Variants in FMN2 observed in about 807,000 individuals in gnomAD.
FMN2 encodes the protein formin 2, also known as formin-2.
In FMN2, 51 loss-of-function variants were observed where a neutral mutation model predicts 142.3. The observed-to-expected ratio is 0.36, with a 90% CI of 0.29 to 0.45. FMN2 has a LOEUF of 0.45. FMN2 is among the 20% of genes least tolerant of loss of function. FMN2 has a pLI of 1.00. For missense variants in FMN2, 1,936 were observed against 2,122.8 expected (o/e 0.91, Z 1.73); for synonymous variants, 882 against 869.8 (o/e 1.01, Z -0.25).
At chr1:240,203,813 ATAAAAT>A (rs1445866807) in intron 4 of FMN2, among the ~76,000 whole-genome samples, 1 of 152,168 alleles carries the variant, frequency 6.6e-6, no homozygotes, top group Non-Finnish European at 1.5e-5. Flanking sequence ...AGGACTTAAA[ATAAAAT>A]TAAATAATAA....
chr1:240,129,689 G>A (rs1571959083), intron 2 of FMN2, among the ~76,000 whole-genome samples: 1 of 152,028 alleles, frequency 6.6e-6, no homozygotes, highest in African/African-American at 2.4e-5. Context: ...TTTTAGTAGA[G>A]ATGGGGTTTG....
At chr1:240,174,533 T>C (rs763725610) in intron 2 of FMN2, among the ~76,000 whole-genome samples, 2 of 152,240 alleles carry the variant, frequency 1.3e-5, no homozygotes, top group African/African-American at 4.8e-5. Context: ...TTTTTAAAAA[T>C]TTTTAAATAT....
intron 8 of FMN2, among the ~76,000 whole-genome samples, chr1:240,320,905 A>T (rs1479546578): frequency 6.6e-6 from 1 of 152,210 alleles, no homozygotes; most frequent in Non-Finnish European, 1.5e-5. Context: ...AGCAAGAACC[A>T]AGGCAGTGAC....
At chr1:240,452,950 T>C (rs149394158) in intron 16 of FMN2, among the ~76,000 whole-genome samples, 171 of 152,308 alleles carry the variant, frequency 1.1e-3, no homozygotes, top group Non-Finnish European at 1.7e-3. Context: ...ATAAGGTATG[T>C]AGCAAGAGCA....
At chr1:240,117,630 G>T (rs760803987) in intron 1 of FMN2, among the ~76,000 whole-genome samples, 6 of 152,220 alleles carry the variant, frequency 3.9e-5, no homozygotes, top group Non-Finnish European at 8.8e-5. Context: ...CTGATTCAAG[G>T]TCAGCATGCT....
Position 240,177,965 on chromosome 1 carries a change from C to G in FMN2, c.1827C>G (p.His609Gln). 1 of 1,610,994 alleles carries G rather than the reference C, an allele frequency of 6.2e-7. No individual in the cohort carries two copies. Among genetic ancestry groups the G allele is most frequent in the South Asian group, 1.1e-5 (1 of 90,402 alleles). The change falls in exon 3 of 18, where the codon CAC becomes CAG. Residue 609 changes from histidine (H) to glutamine (Q), a missense_variant. By Grantham distance (24) the His-to-Gln change is conservative. Coordinates refer to ENST00000319653, the MANE Select transcript of FMN2 (RefSeq NM_020066.5). The stretch of plus-strand genomic sequence containing the variant: ...GGGCTGCAGTTAGTCAACCCACACA[C>G]TCATTGGACTATTCAGAAGGGCAGT... ...YTWAAVSQPT[H>Q]SLDYSEGQFP...
intron 4 of FMN2, among the ~76,000 whole-genome samples, chr1:240,193,686 C>T (rs1030821629): frequency 5.3e-5 from 8 of 152,222 alleles, no homozygotes; most frequent in African/African-American, 1.4e-4. Context: ...TTCCTTCTCC[C>T]GGGCCTCCTT....
At chr1:240,121,002 A>C (rs190681960) in intron 1 of FMN2, among the ~76,000 whole-genome samples, 6 of 152,312 alleles carry the variant, frequency 3.9e-5, no homozygotes, top group Non-Finnish European at 8.8e-5. Flanking sequence ...TACTAAAGCT[A>C]CAAAAAAAAT....
chr1:240,187,479 A>G (rs1004512826), intron 3 of FMN2, among the ~76,000 whole-genome samples: 4 of 152,034 alleles, frequency 2.6e-5, no homozygotes, highest in Non-Finnish European at 5.9e-5. Context: ...GGATGAGATT[A>G]GTGGTTTTTC....
At position 240,092,948 on chromosome 1, in the gene FMN2, C is replaced by G; in HGVS notation, c.839C>G (p.Pro280Arg). ...GCGCTGTCCGCGCTCTCCGACCTGC[C>G]CGAGAGCCTGGCCGCCGAGCCCCGG... Reference protein sequence around the residue: ...EQALSALSDLPESLAAEPREP... With the variant: ...EQALSALSDLRESLAAEPREP... Residue 280 changes from proline (P) to arginine (R), a missense_variant, in exon 1 of 18, where the codon CCC becomes CGC. By Grantham distance (103) the Pro-to-Arg change is moderately radical. Around this residue, in one of 8 missense-constraint regions of FMN2, gnomAD observed 751 missense variants for 791.8 expected, o/e 0.95. Coordinates refer to ENST00000319653, the MANE Select transcript of FMN2 (RefSeq NM_020066.5). 1 of 1,427,468 alleles carries G rather than the reference C, an allele frequency of 7.0e-7. No homozygotes were observed. The allele number at this position is 1,427,468 out of a possible 1,614,324, so 88.4% of individuals were successfully genotyped here.
intron 1 of FMN2, among the ~76,000 whole-genome samples, chr1:240,120,128 C>T (rs1662175589): frequency 6.6e-6 from 1 of 152,056 alleles, no homozygotes; most frequent in South Asian, 2.1e-4. Context: ...CTTTGTCACT[C>T]GAAATATCAA....
At chr1:240,417,039 T>C (rs1383090537) in intron 15 of FMN2, among the ~76,000 whole-genome samples, 5 of 150,198 alleles carry the variant, frequency 3.3e-5, no homozygotes, top group Admixed American at 3.3e-4. Flanking sequence ...GAGTTACTTA[T>C]GTGTATATTC....
At chr1:240,118,189 CTGAT>C (rs1352522762) in intron 1 of FMN2, among the ~76,000 whole-genome samples, 1 of 151,946 alleles carries the variant, frequency 6.6e-6, no homozygotes, top group Non-Finnish European at 1.5e-5. Context: ...GGGGTTGTGA[CTGAT>C]TGGGGCTGTT....
chr1:240,283,307 G>T (rs1202900828), intron 7 of FMN2, among the ~76,000 whole-genome samples: 1 of 152,182 alleles, frequency 6.6e-6, no homozygotes, highest in East Asian at 1.9e-4. Flanking sequence ...AGTAATGTCT[G>T]TCTGTTGCTC....
intron 2 of FMN2, among the ~76,000 whole-genome samples, chr1:240,168,825 G>A (rs567550516): frequency 1.2e-4 from 19 of 152,222 alleles, no homozygotes; most frequent in Non-Finnish European, 2.2e-4. Context: ...TGTGGCAGGT[G>A]GGCCATATGT....
intron 6 of FMN2, among the ~76,000 whole-genome samples, chr1:240,253,195 T>C (rs1054739162): frequency 6.6e-6 from 1 of 151,970 alleles, no homozygotes; most frequent in South Asian, 2.1e-4. Context: ...GATCTCAATC[T>C]CCTGACCTCA....
At chr1:240,386,848 T>TC (rs1269365183) in intron 14 of FMN2, among the ~76,000 whole-genome samples, 12 of 152,208 alleles carry the variant, frequency 7.9e-5, no homozygotes, top group African/African-American at 2.9e-4. Context: ...AAAGGTAATC[T>TC]TATGCCCTTA....
At chr1:240,168,216 A>G (rs1332798557) in intron 2 of FMN2, among the ~76,000 whole-genome samples, 2 of 152,154 alleles carry the variant, frequency 1.3e-5, no homozygotes, top group African/African-American at 4.8e-5. Context: ...TGTGAGTTCA[A>G]TTCAGGCTAC....
intron 14 of FMN2, among the ~76,000 whole-genome samples, chr1:240,365,935 C>A (rs1672654640): frequency 6.6e-6 from 1 of 151,952 alleles, no homozygotes; most frequent in East Asian, 1.9e-4. Context: ...TGCTTGGGGG[C>A]CATTTAAAAC....
Sources: gnomAD v4.1 joint callset for allele counts (sites outside exome capture counted in the v4.1 genomes callset) on GRCh38, gnomAD v4.1.1 for gene constraint, gnomAD v4.1.1 regional missense constraint, MANE v1.5 for transcripts, NCBI Gene and HGNC (gene_info 2026-07-23, HGNC 2026-07-21) for gene names.